Variants in CAMTA1 observed in about 807,000 individuals in gnomAD.
CAMTA1 encodes calmodulin binding transcription activator 1.
CAMTA1 carries 27 observed loss-of-function variants against 170.9 expected under a neutral mutation model. That is an observed-to-expected ratio of 0.16 (90% CI 0.12 to 0.22). CAMTA1 has a LOEUF of 0.22. CAMTA1 is among the 10% of genes least tolerant of loss of function. The pLI, the probability that CAMTA1 is intolerant of heterozygous loss-of-function variation, is 1.00. For missense variants in CAMTA1, 1,619 were observed against 2,217.2 expected (o/e 0.73, Z 5.42); for synonymous variants, 833 against 891.5 (o/e 0.93, Z 1.17).
rs559508657 is a variant in CAMTA1, at chr1:7,144,325, AAGAG to A, written c.302+52959_302+52962del. 1.1e-4 allele frequency among the ~76,000 whole-genome samples: 16 copies of A among 152,122 alleles called. No homozygotes were observed. The East Asian group carries it at 3.1e-3, about 29-fold the overall frequency. ...TGAGAGACAGCAAGAGACAGAGCGAAAGAGAGAGTCTCTTTTCGTTCTAAGGCCA... is the reference window on the plus strand; with the variant it reads ...TGAGAGACAGCAAGAGACAGAGCGAAAGAGTCTCTTTTCGTTCTAAGGCCA... On this transcript the variant is annotated intron_variant, in intron 4 of 22. Coordinates refer to ENST00000303635, the MANE Select transcript of CAMTA1 (RefSeq NM_015215.4). The surrounding 1 kb of genome is among the most constrained non-coding windows in gnomAD (Gnocchi z 4.0).
chr1:7,469,320 G>A (rs374017184), intron 6 of CAMTA1, among the ~76,000 whole-genome samples: 1 of 152,110 alleles, frequency 6.6e-6, no homozygotes, highest in Non-Finnish European at 1.5e-5. Flanking sequence ...ACTAGGAATT[G>A]GTCCCAAGGT....
chr1:7,194,457 T>C (rs1415138079), intron 4 of CAMTA1, among the ~76,000 whole-genome samples: 1 of 152,210 alleles, frequency 6.6e-6, no homozygotes, highest in Non-Finnish European at 1.5e-5. Context: ...GTTCTTTAAA[T>C]CATTGAACGA....
chr1:7,069,067 T>C (rs948403679), intron 3 of CAMTA1, among the ~76,000 whole-genome samples: 4 of 152,236 alleles, frequency 2.6e-5, no homozygotes, highest in Non-Finnish European at 5.9e-5. Context: ...CCTCCTGCCA[T>C]GCCCTTGACC....
rs183359790 is a variant in CAMTA1, at chr1:7,103,845, T to C, written c.302+12474T>C. On this transcript the variant is annotated intron_variant, in intron 4 of 22. Transcript: ENST00000303635. ...ACATGCACACACAACTACACACATG[T>C]ACACACAACACACATACACACACAC... Among the ~76,000 whole-genome samples the C allele has an allele frequency of 1.5e-4, 12 of 82,534 alleles. No individual in the cohort carries two copies. The South Asian group carries it at 2.0e-3, about 14-fold the overall frequency. The allele number at this position is 82,534 out of a possible 152,430, so 54.1% of individuals were successfully genotyped here.
At chr1:6,881,236 G>A (rs1400139344) in intron 3 of CAMTA1, among the ~76,000 whole-genome samples, 1 of 152,186 alleles carries the variant, frequency 6.6e-6, no homozygotes, top group Admixed American at 6.5e-5. Context: ...GGAAAGAAAT[G>A]TCAGTGATAG....
intron 3 of CAMTA1, among the ~76,000 whole-genome samples, chr1:6,884,291 G>GACACACACACACACACAC (rs112571156): frequency 2.2e-5 from 3 of 136,656 alleles, no homozygotes; most frequent in South Asian, 2.5e-4. Context: ...ATTCTCTAGA[G>GACACACACACACACACAC]ACACACACAC....
rs2095986432 is a variant in CAMTA1, at chr1:7,664,631, C to T, written c.2084C>T (p.Ser695Leu). The stretch of plus-strand genomic sequence containing the variant: ...GAAGGGGAGGTCACCATGGAGACCT[C>T]GCAGGCGGCGGAAGGGAGCGAGGTC... ...TAEGEVTMETSQAAEGSEVLL... is the reference protein window; with the variant it reads ...TAEGEVTMETLQAAEGSEVLL... The change falls in exon 9 of 23, where the codon TCG (serine) becomes TTG (leucine). Residue 695 changes from serine (S) to leucine (L), a missense_variant. Transcript: ENST00000303635. 1.9e-6 allele frequency: 3 copies of T among 1,607,866 alleles called. No individual in the cohort carries two copies. Among genetic ancestry groups the T allele is most frequent in the Non-Finnish European group, 2.6e-6 (3 of 1,175,682 alleles).
At chr1:7,434,698 A>T (rs1171200603) in intron 5 of CAMTA1, among the ~76,000 whole-genome samples, 1 of 152,074 alleles carries the variant, frequency 6.6e-6, no homozygotes, top group African/African-American at 2.4e-5. Flanking sequence ...AGGTGCCAGC[A>T]TCTTACCTAG....
At chr1:6,900,080 T>C (rs1676598412) in intron 3 of CAMTA1, among the ~76,000 whole-genome samples, 1 of 152,146 alleles carries the variant, frequency 6.6e-6, no homozygotes, top group Admixed American at 6.5e-5. Flanking sequence ...AAATCCAGAG[T>C]TTGTTTACCA....
intron 4 of CAMTA1, among the ~76,000 whole-genome samples, chr1:7,207,794 G>A (rs548743290): frequency 1.4e-4 from 21 of 152,186 alleles, no homozygotes; most frequent in Non-Finnish European, 2.1e-4. Context: ...CCCAGTCTTC[G>A]TGAAATAAGA....
At position 7,642,680 on chromosome 1, in the gene CAMTA1, C is replaced by G. The variant is rs2095773282; in HGVS notation, c.664+2127C>G. The stretch of plus-strand genomic sequence containing the variant: ...CCCTGGCCAGGGCGGTAGAAAGAGT[C>G]AGGGCTGGCAAGTCAGGAGGCAGGT... On this transcript the variant is annotated intron_variant, in intron 7 of 22. Coordinates refer to ENST00000303635, the MANE Select transcript of CAMTA1 (RefSeq NM_015215.4). The surrounding 1 kb of genome is among the most constrained non-coding windows in gnomAD (Gnocchi z 6.3). Among the ~76,000 whole-genome samples the G allele has an allele frequency of 6.6e-6, 1 of 152,160 alleles. No homozygotes were observed.
rs973067477 is a variant in CAMTA1, at chr1:7,498,620, GTGTGTGTATGAGTGTGCATGCA to G, written c.510+30724_510+30745del. Among the ~76,000 whole-genome samples the G allele has an allele frequency of 2.8e-3, 424 of 152,028 alleles. 1 individual carries two copies. Among genetic ancestry groups the G allele is most frequent in the African/African-American group, 9.9e-3 (409 of 41,498 alleles). On this transcript the variant is annotated intron_variant, in intron 6 of 22. Coordinates refer to ENST00000303635, the MANE Select transcript of CAMTA1 (RefSeq NM_015215.4). ...GTGTGAGTGTGAACATCTGTGTGCA[GTGTGTGTATGAGTGTGCATGCA>G]TGTGAATGTATGTGGATGTATGACT... is the stretch of plus-strand genomic sequence containing the variant.
At chr1:7,462,636 A>C (rs2093117590) in intron 5 of CAMTA1, among the ~76,000 whole-genome samples, 2 of 152,126 alleles carry the variant, frequency 1.3e-5, no homozygotes, top group Admixed American at 6.5e-5. Context: ...CAAAAGAAGA[A>C]TACTCATGAC....
chr1:7,484,674 A>G (rs946633069), intron 6 of CAMTA1, among the ~76,000 whole-genome samples: 3 of 152,140 alleles, frequency 2.0e-5, no homozygotes, highest in Non-Finnish European at 2.9e-5. Context: ...CTGTAGTCCC[A>G]ACTACTCAGG....
At chr1:7,110,463 C>A (rs1643954558) in intron 4 of CAMTA1, among the ~76,000 whole-genome samples, 1 of 152,202 alleles carries the variant, frequency 6.6e-6, no homozygotes, top group Non-Finnish European at 1.5e-5. Context: ...CCCGAGCAGG[C>A]CGGGCCAGTC....
At chr1:7,686,852 A>G (rs2096263125) in intron 11 of CAMTA1, among the ~76,000 whole-genome samples, 1 of 152,026 alleles carries the variant, frequency 6.6e-6, no homozygotes, top group African/African-American at 2.4e-5. Flanking sequence ...GAATATGAAG[A>G]ACGAGAGAGG....
chr1:6,868,295 C>T (rs1235723649), intron 3 of CAMTA1, among the ~76,000 whole-genome samples: 5 of 145,398 alleles, frequency 3.4e-5, no homozygotes, highest in African/African-American at 7.6e-5. Flanking sequence ...GGTGACAGAG[C>T]GAGACTCTTT....
intron 5 of CAMTA1, among the ~76,000 whole-genome samples, chr1:7,461,243 G>A (rs2093080986): frequency 6.6e-6 from 1 of 152,140 alleles, no homozygotes; most frequent in Admixed American, 6.5e-5. Context: ...CAACCTTCAA[G>A]CATACGGACT....
At chr1:7,393,009 C>T (rs888143948) in intron 5 of CAMTA1, among the ~76,000 whole-genome samples, 21 of 150,998 alleles carry the variant, frequency 1.4e-4, no homozygotes, top group Admixed American at 1.2e-3. Context: ...GCTATGATCG[C>T]GCCACTGCGT....
Sources: gnomAD v4.1 joint callset for allele counts (sites outside exome capture counted in the v4.1 genomes callset) on GRCh38, gnomAD v4.1.1 for gene constraint, Gnocchi (gnomAD v3.1) non-coding constraint, MANE v1.5 for transcripts, NCBI Gene and HGNC (gene_info 2026-07-23, HGNC 2026-07-21) for gene names.